The following UBE2U variants were observed in gnomAD, a reference collection of about 807,000 sequenced individuals.
UBE2U encodes the protein ubiquitin conjugating enzyme E2 U.
In UBE2U, 39 loss-of-function variants were observed where a neutral mutation model predicts 41.2. The ratio of observed to expected loss-of-function variants is 0.95; its 90% CI spans 0.73 to 1.24. The LOEUF (loss-of-function observed/expected upper bound fraction) is 1.24. Ranked by LOEUF, UBE2U falls within the 50% of genes most tolerant of loss-of-function variation. The pLI, the probability that UBE2U is intolerant of heterozygous loss-of-function variation, is 0.00. For missense variants in UBE2U, 336 were observed against 363.1 expected, an observed-to-expected ratio of 0.93 and a Z score of 0.61; for synonymous variants, 107 against 117.8, an observed-to-expected ratio of 0.91 and a Z score of 0.60.
intron 8 of UBE2U, among the ~76,000 whole-genome samples, chr1:64,258,157 T>C (rs1228677103): frequency 1.3e-5 from 2 of 152,176 alleles, no homozygotes; most frequent in Non-Finnish European, 2.9e-5. Context: ...TATTTATTCA[T>C]TTTTGTCTCT....
chr1:64,254,240 G>A (rs934907312), intron 8 of UBE2U, among the ~76,000 whole-genome samples: 1 of 152,124 alleles, frequency 6.6e-6, no homozygotes, highest in African/African-American at 2.4e-5. Flanking sequence ...CCTAATACAG[G>A]AGCACCAAGA....
chr1:64,239,178 G>GAAGAAGAAGAAGAAGA (rs1644782951), intron 7 of UBE2U, among the ~76,000 whole-genome samples: 1 of 88,358 alleles, frequency 1.1e-5, no homozygotes, highest in Non-Finnish European at 2.2e-5. Flanking sequence ...AGAAGAAGAA[G>GAAGAAGAAGAAGAAGA]AAGAAGAAGA....
At chr1:64,242,745 T>C (rs970046800) in intron 8 of UBE2U, among the ~76,000 whole-genome samples, 2 of 152,208 alleles carry the variant, frequency 1.3e-5, no homozygotes, top group African/African-American at 4.8e-5. Flanking sequence ...GCATTTGATA[T>C]ACTTTTCTGC....
At chr1:64,234,568 CA>C (rs2100405023) in intron 7 of UBE2U, among the ~76,000 whole-genome samples, 1 of 152,238 alleles carries the variant, frequency 6.6e-6, no homozygotes, top group African/African-American at 2.4e-5. Flanking sequence ...TAAATTAGAT[CA>C]ATAACTTTTA....
chr1:64,250,771 G>A (rs1644994641), intron 8 of UBE2U, among the ~76,000 whole-genome samples: 1 of 152,030 alleles, frequency 6.6e-6, no homozygotes, highest in Non-Finnish European at 1.5e-5. Flanking sequence ...TAGGGACATG[G>A]ATGAAGCTGG....
rs774169762 is a variant in UBE2U at position 64,260,660 on chromosome 1, C to T, written c.735C>T (p.His245=). 9 of 1,549,562 alleles carry T rather than the reference C, an allele frequency of 5.8e-6. No homozygotes were observed. In the Admixed American group the frequency reaches 1.2e-4, roughly 20 times the overall value. Residue 245 remains histidine, a synonymous_variant, in exon 9 of 10, where the codon CAC becomes CAT. Transcript: ENST00000371077. ...AAAGAATGCCTCATGAAGTCACTCACTCAATGGAAGAAATTAAGCTCTGCC... is the reference window on the plus strand; with the variant it reads ...AAAGAATGCCTCATGAAGTCACTCATTCAATGGAAGAAATTAAGCTCTGCC... ...ARKRMPHEVT[H]SMEEIKLCPT... is the part of the protein sequence containing the mutation.
At chr1:64,235,353 T>C (rs1644646165) in intron 7 of UBE2U, among the ~76,000 whole-genome samples, 1 of 152,198 alleles carries the variant, frequency 6.6e-6, no homozygotes, top group Admixed American at 6.5e-5. Context: ...GGAATTGTTA[T>C]AAGAATGTTT....
intron 6 of UBE2U, among the ~76,000 whole-genome samples, chr1:64,226,610 T>C (rs1432504160): frequency 6.6e-6 from 1 of 152,154 alleles, no homozygotes; most frequent in African/African-American, 2.4e-5. Flanking sequence ...GGTGGAAGGA[T>C]TGCTTGAGCC....
chr1:64,206,679 A>G lies in UBE2U; in HGVS notation c.149-85A>G, dbSNP rs1051437934. On this transcript the variant is annotated intron_variant, in intron 2 of 9. Transcript: ENST00000371077. Reference sequence around the variant, plus strand: ...AATAAAACTGTGGAAAGACTAAACCATAGGGAGAAACTCCAGTGTTAATCA... The same window carrying G: ...AATAAAACTGTGGAAAGACTAAACCGTAGGGAGAAACTCCAGTGTTAATCA... The G allele has an allele frequency of 1.1e-5, 9 of 805,616 alleles. No homozygotes were observed. The African/African-American group carries it at 1.6e-4, about 14-fold the overall frequency. The allele number at this position is 805,616 out of a possible 1,614,324, so 49.9% of individuals were successfully genotyped here.
chr1:64,244,170 T>C, intron 8 of UBE2U: 1 of 1,607,428 alleles, frequency 6.2e-7, no homozygotes, highest in Non-Finnish European at 8.5e-7. Flanking sequence ...GGGAAGAGCA[T>C]GAGCTTCAGA....
intron 8 of UBE2U, among the ~76,000 whole-genome samples, chr1:64,252,527 G>T (rs1158821759): frequency 6.6e-6 from 1 of 152,192 alleles, no homozygotes; most frequent in East Asian, 1.9e-4. Context: ...ATCCCTCTAG[G>T]ATGGAGCTTC....
chr1:64,246,743 A>G (rs895630451), intron 8 of UBE2U, among the ~76,000 whole-genome samples: 9 of 152,310 alleles, frequency 5.9e-5, no homozygotes, highest in African/African-American at 2.2e-4. Flanking sequence ...TCTAGCTTGT[A>G]TCTAACACCT....
In UBE2U at chr1:64,261,427, C is replaced by CA. The variant is rs934601969; in HGVS notation, c.769+742dup. ...CAATTTCTTTGTGAACTGAAAAGTA[C>CA]AAAAAAAAATAGTTACTGTTTTTTC... On this transcript the variant is annotated intron_variant, in intron 9 of 9. Transcript: ENST00000371077. 2.5e-4 allele frequency among the ~76,000 whole-genome samples: 37 copies of CA among 150,564 alleles called. No individual in the cohort carries two copies. The South Asian group carries it at 5.5e-3, about 22-fold the overall frequency.
At chr1:64,242,047 A>G (rs551673370) in intron 8 of UBE2U, among the ~76,000 whole-genome samples, 1 of 148,586 alleles carries the variant, frequency 6.7e-6, no homozygotes, top group South Asian at 2.2e-4. Context: ...CATGTGACTT[A>G]GAAATAGCTT....
rs930447902 is a variant in UBE2U, at chr1:64,266,948, T to C, written c.770-76T>C. The C allele has an allele frequency of 5.2e-6, 7 of 1,356,994 alleles. No homozygotes were observed. The South Asian group carries it at 5.7e-5, about 11-fold the overall frequency. The allele number at this position is 1,356,994 out of a possible 1,614,324, so 84.1% of individuals were successfully genotyped here. On this transcript the variant is annotated intron_variant, in intron 9 of 9. Coordinates refer to ENST00000371077, the MANE Select transcript of UBE2U (RefSeq NM_001366232.2). Reference sequence around the variant, plus strand: ...ATGGTCTTTGGCATTATCCTACAAATGCAGGAACACTTCTCTTTTTATTGT... The same window carrying C: ...ATGGTCTTTGGCATTATCCTACAAACGCAGGAACACTTCTCTTTTTATTGT...
intron 6 of UBE2U, among the ~76,000 whole-genome samples, chr1:64,224,868 T>C (rs1652753297): frequency 6.6e-6 from 1 of 151,868 alleles, no homozygotes; most frequent in Non-Finnish European, 1.5e-5. Context: ...GATGATAAAG[T>C]TATGTGTTTT....
chr1:64,244,284 G>T, intron 8 of UBE2U: 1 of 1,187,770 alleles, frequency 8.4e-7, no homozygotes, highest in Non-Finnish European at 1.1e-6. Context: ...TGCATTTGAC[G>T]CTTATTATTT....
chr1:64,211,355 C>G (rs1651650966), intron 4 of UBE2U, among the ~76,000 whole-genome samples: 2 of 152,220 alleles, frequency 1.3e-5, no homozygotes, highest in African/African-American at 4.8e-5. Flanking sequence ...CTCCTCTCCT[C>G]AGATGCCTGT....
At chr1:64,206,930 TC>T (rs1349156585) in intron 3 of UBE2U, 74 bp downstream of exon 3, 1 of 891,840 alleles carries the variant, frequency 1.1e-6, no homozygotes, top group African/African-American at 1.7e-5. Context: ...TAATCATGTT[TC>T]TTTTTAAGAA....
Sources: allele counts gnomAD v4.1 joint callset (sites outside exome capture counted in the v4.1 genomes callset), GRCh38; gene constraint gnomAD v4.1.1; transcripts MANE v1.5; gene names NCBI Gene and HGNC (gene_info 2026-07-23, HGNC 2026-07-21).